DKK2: variants seen among roughly 807,000 people sequenced by gnomAD.
DKK2 encodes the protein dickkopf-related protein 2.
DKK2 carries 11 observed loss-of-function variants against 28.1 expected under a neutral mutation model. That is an observed-to-expected ratio of 0.39 (90% CI 0.25 to 0.65). DKK2 has a LOEUF of 0.65. Among genes scored for constraint, DKK2 ranks in the 30% least tolerant of loss-of-function variants. The pLI is 0.47. For synonymous variants in DKK2, 135 were observed against 126.5 expected, an observed-to-expected ratio of 1.07 and a Z score of -0.45; for missense variants, 326 against 335.5, an observed-to-expected ratio of 0.97 and a Z score of 0.22.
At chr4:107,035,256 C>G (rs1472756238) in intron 1 of DKK2, 114 bp downstream of exon 1, 3 of 1,270,872 alleles carry the variant, frequency 2.4e-6, no homozygotes, top group African/African-American at 3.0e-5. Flanking sequence ...GCCGCCTGTT[C>G]TCTGTATCTG....
chr4:106,957,827 A>G (rs531499891), intron 1 of DKK2, among the ~76,000 whole-genome samples: 1 of 149,718 alleles, frequency 6.7e-6, no homozygotes, highest in African/African-American at 2.5e-5. Flanking sequence ...TGGGTGCAGC[A>G]CACCAGCATG....
chr4:106,960,376 G>T (rs1163356385), intron 1 of DKK2, among the ~76,000 whole-genome samples: 2 of 152,058 alleles, frequency 1.3e-5, no homozygotes, highest in Non-Finnish European at 2.9e-5. Context: ...GCCATGAGTA[G>T]ACAAAGGCAT....
intron 1 of DKK2, among the ~76,000 whole-genome samples, chr4:107,030,845 T>C (rs1723865722): frequency 6.6e-6 from 1 of 152,014 alleles, no homozygotes; most frequent in Non-Finnish European, 1.5e-5. Flanking sequence ...CTAGCTATAG[T>C]TCTATGACAT....
chr4:106,939,581 C>G (rs1324207367), intron 1 of DKK2, among the ~76,000 whole-genome samples: 3 of 152,198 alleles, frequency 2.0e-5, no homozygotes, highest in Non-Finnish European at 4.4e-5. Flanking sequence ...CTACCAATGA[C>G]TTTCTTCACA....
chr4:106,939,645 C>T (rs1012166575), intron 1 of DKK2, among the ~76,000 whole-genome samples: 6 of 152,094 alleles, frequency 3.9e-5, no homozygotes, highest in South Asian at 4.1e-4. Context: ...GAGCCCGCAT[C>T]GCCAAGTCAA....
intron 1 of DKK2, among the ~76,000 whole-genome samples, chr4:106,995,012 T>C (rs569479607): frequency 4.6e-5 from 7 of 152,324 alleles, no homozygotes; most frequent in African/African-American, 1.4e-4. Context: ...CATGGTTTCA[T>C]GAGTTACAGA....
rs748655485 is a variant in DKK2, at chr4:106,924,572, G to T, written c.502C>A (p.Pro168Thr). 1 of 1,613,572 alleles carries T rather than the reference G, an allele frequency of 6.2e-7. No homozygotes were observed. Among genetic ancestry groups the T allele is most frequent in the Non-Finnish European group, 8.5e-7 (1 of 1,179,806 alleles). The change falls in exon 3 of 4, where the codon CCA becomes ACA. Residue 168 changes from proline (P) to threonine (T), a missense_variant. By Grantham distance (38) the Pro-to-Thr change is conservative. Transcript: ENST00000285311. The stretch of plus-strand genomic sequence containing the variant: ...TTTATATGTGACATCTTAGTGTGTG[G>T]TCTTCCTAGATTCTGCCATCCCAAG... ...HDLGWQNLGR[P>T]HTKMSHIKGH...
chr4:107,035,668 G>C lies in DKK2; in HGVS notation c.-77C>G. ...GCAAAGGGAGGGAGGACCCCAACAC[G>C]GGGCCCCTCACTTGGGTCGCGGGGG... On this transcript the variant is annotated 5_prime_UTR_variant, in exon 1 of 4. Transcript: ENST00000285311. The C allele has an allele frequency of 6.6e-7, 1 of 1,520,114 alleles. No homozygotes were observed. Among genetic ancestry groups the C allele is most frequent in the Non-Finnish European group, 9.0e-7 (1 of 1,112,108 alleles). The allele number at this position is 1,520,114 out of a possible 1,614,324, so 94.2% of individuals were successfully genotyped here.
At position 106,942,532 on chromosome 4, in the gene DKK2, G is replaced by A. The variant is rs183458978; in HGVS notation, c.223-16583C>T. Among the ~76,000 whole-genome samples the A allele has an allele frequency of 7.2e-3, 1,099 of 152,158 alleles. 5 individuals are homozygous for A. The highest frequency in any genetic ancestry group is 0.011 in the Non-Finnish European group (771 of 67,998). On this transcript the variant is annotated intron_variant, in intron 1 of 3. Transcript: ENST00000285311. Reference sequence around the variant, plus strand: ...CTATGTCTGGCCTCCCATTCCAGTAGCCTTTGTAGCAGATATGGGGCTTCA... The same window carrying A: ...CTATGTCTGGCCTCCCATTCCAGTAACCTTTGTAGCAGATATGGGGCTTCA...
intron 1 of DKK2, among the ~76,000 whole-genome samples, chr4:106,951,629 C>A (rs1724861136): frequency 6.6e-6 from 1 of 152,048 alleles, no homozygotes; most frequent in Admixed American, 6.6e-5. Flanking sequence ...AAAAAGTTGA[C>A]CTCATGAAGT....
intron 1 of DKK2, among the ~76,000 whole-genome samples, chr4:107,016,198 T>A (rs1723601602): frequency 6.6e-6 from 1 of 151,912 alleles, no homozygotes; most frequent in South Asian, 2.1e-4. Flanking sequence ...GTCATTCTCC[T>A]TGTTTGCTTA....
chr4:107,002,469 C>A (rs139383347), intron 1 of DKK2, among the ~76,000 whole-genome samples: 141 of 152,056 alleles, frequency 9.3e-4, no homozygotes, highest in African/African-American at 3.2e-3. Context: ...CATTTGGGTT[C>A]TTTTATTTAG....
chr4:106,964,991 A>AGATAGATAGAT (rs1560581633), intron 1 of DKK2, among the ~76,000 whole-genome samples: 1 of 150,362 alleles, frequency 6.7e-6, no homozygotes, highest in African/African-American at 2.5e-5. Flanking sequence ...ATAGATAGAT[A>AGATAGATAGAT]GATAGATAGA....
chr4:107,032,603 A>G (rs1271110493), intron 1 of DKK2, among the ~76,000 whole-genome samples: 1 of 152,098 alleles, frequency 6.6e-6, no homozygotes, highest in Non-Finnish European at 1.5e-5. Context: ...ACATCCATTT[A>G]AGAGAAAGAA....
intron 1 of DKK2, among the ~76,000 whole-genome samples, chr4:106,934,603 T>C (rs563735545): frequency 6.6e-6 from 1 of 152,326 alleles, no homozygotes; most frequent in Admixed American, 6.5e-5. Flanking sequence ...ATTGCCTTGG[T>C]TAATTTCATT....
intron 1 of DKK2, among the ~76,000 whole-genome samples, chr4:106,938,564 C>T (rs1160650909): frequency 6.6e-6 from 1 of 152,158 alleles, no homozygotes; most frequent in Non-Finnish European, 1.5e-5. Flanking sequence ...CCTTCTGAAA[C>T]TATTCCAATC....
chr4:106,956,300 C>A (rs1275913383), intron 1 of DKK2, among the ~76,000 whole-genome samples: 2 of 152,084 alleles, frequency 1.3e-5, no homozygotes, highest in Non-Finnish European at 2.9e-5. Context: ...TAGGAAGAAT[C>A]AATATCATGA....
chr4:106,983,950 T>TGA (rs998049133), intron 1 of DKK2, among the ~76,000 whole-genome samples: 1 of 152,044 alleles, frequency 6.6e-6, no homozygotes, highest in African/African-American at 2.4e-5. Context: ...AAAAAATAAA[T>TGA]GAGAGAGCCC....
chr4:107,027,927 AT>A (rs1286348828), intron 1 of DKK2, among the ~76,000 whole-genome samples: 3 of 151,172 alleles, frequency 2.0e-5, no homozygotes, highest in Non-Finnish European at 4.4e-5. Context: ...AATTTTTTGT[AT>A]TTTTTAGTAG....
Sources: allele counts gnomAD v4.1 joint callset (sites outside exome capture counted in the v4.1 genomes callset), GRCh38; gene constraint gnomAD v4.1.1; transcripts MANE v1.5; gene names NCBI Gene and HGNC (gene_info 2026-07-23, HGNC 2026-07-21).